Variants in CGNL1 observed in about 807,000 individuals in gnomAD.
CGNL1 encodes cingulin-like protein 1.
Under a neutral mutation model 141.2 loss-of-function variants are expected in CGNL1, and 132 were observed. The ratio of observed to expected loss-of-function variants is 0.93; its 90% confidence interval spans 0.81 to 1.08. The LOEUF (loss-of-function observed/expected upper bound fraction) is 1.08, where lower values mean the gene tolerates loss of function less well. CGNL1 is among the 50% of genes least tolerant of loss of function. The pLI is 0.00. For missense variants in CGNL1, 1,870 were observed against 1,588.6 expected, an observed-to-expected ratio of 1.18 and a Z score of -3.01; for synonymous variants, 690 against 622.1, an observed-to-expected ratio of 1.11 and a Z score of -1.63.
At chr15:57,444,752 A>C (rs1027226149) in intron 4 of CGNL1, among the ~76,000 whole-genome samples, 1 of 152,218 alleles carries the variant, frequency 6.6e-6, no homozygotes, top group Non-Finnish European at 1.5e-5. Flanking sequence ...AATTTAGTGT[A>C]GTGGGAACAC....
At chr15:57,396,315 C>T (rs1234868792) in intron 1 of CGNL1, among the ~76,000 whole-genome samples, 1 of 146,718 alleles carries the variant, frequency 6.8e-6, no homozygotes, top group East Asian at 2.0e-4. Context: ...TCCTCTGTTG[C>T]CCAGGCTGGA....
At position 57,438,647 on chromosome 15, in the gene CGNL1, T is replaced by A; in HGVS notation, c.648T>A (p.Ile216=). 1 of 1,614,116 alleles carries A rather than the reference T, an allele frequency of 6.2e-7. No individual in the cohort carries two copies. The highest frequency in any genetic ancestry group is 8.5e-7 in the Non-Finnish European group (1 of 1,180,034). ...CGGCCAAATCTGGTGTGACAGCTAT[T>A]CGTTTATGCAGCTCCGTGGTCATAG... ...EDPAKSGVTA[I]RLCSSVVIED... is the part of the protein sequence containing the mutation. Residue 216 remains isoleucine (I), a synonymous_variant, in exon 2 of 19, where the codon ATT becomes ATA. Transcript: ENST00000281282.
intron 1 of CGNL1, among the ~76,000 whole-genome samples, chr15:57,415,303 A>G (rs1323416365): frequency 6.6e-6 from 1 of 152,190 alleles, no homozygotes; most frequent in Non-Finnish European, 1.5e-5. Context: ...AGCTGGGGAG[A>G]TTATCCTGCA....
At chr15:57,378,108 A>G (rs2062384815) in intron 1 of CGNL1, among the ~76,000 whole-genome samples, 2 of 152,208 alleles carry the variant, frequency 1.3e-5, no homozygotes, top group South Asian at 2.1e-4. Context: ...CACCTGTCAC[A>G]TGGTCTTAAA....
At chr15:57,453,619 T>C (rs2063345291) in intron 6 of CGNL1, 64 bp from the exon 7 acceptor site, 1 of 1,594,598 alleles carries the variant, frequency 6.3e-7, no homozygotes, top group Admixed American at 1.7e-5. Context: ...AGATCAGAAA[T>C]CAGACTGGAT....
intron 1 of CGNL1, among the ~76,000 whole-genome samples, chr15:57,431,263 C>A (rs1223233850): frequency 6.6e-6 from 1 of 152,192 alleles, no homozygotes; most frequent in Non-Finnish European, 1.5e-5. Context: ...AGCAACTCTG[C>A]TTTCATTTCC....
intron 1 of CGNL1, among the ~76,000 whole-genome samples, chr15:57,378,788 C>G (rs2062394737): frequency 6.6e-6 from 1 of 152,188 alleles, no homozygotes; most frequent in Non-Finnish European, 1.5e-5. Context: ...AAAGAACATT[C>G]ATTTTGAAAA....
At chr15:57,440,774 G>A (rs1482287962) in intron 3 of CGNL1, among the ~76,000 whole-genome samples, 3 of 152,122 alleles carry the variant, frequency 2.0e-5, no homozygotes, top group Non-Finnish European at 4.4e-5. Flanking sequence ...TACTCTTCAG[G>A]TTTGAATGGA....
chr15:57,527,292 A>G (rs1362207496), intron 12 of CGNL1: 1 of 152,354 alleles, frequency 6.6e-6, no homozygotes, highest in East Asian at 1.9e-4. Context: ...CATTTCCTCA[A>G]GCTTTTCCAC....
chr15:57,407,737 A>C (rs2062739435), intron 1 of CGNL1, among the ~76,000 whole-genome samples: 1 of 148,720 alleles, frequency 6.7e-6, no homozygotes, highest in Non-Finnish European at 1.5e-5. Context: ...ATTAGAAAAA[A>C]TTATTCTCAA....
chr15:57,467,835 G>A (rs964556339), intron 8 of CGNL1, among the ~76,000 whole-genome samples: 6 of 151,864 alleles, frequency 4.0e-5, no homozygotes, highest in Admixed American at 6.6e-5. Flanking sequence ...GATTACAGGC[G>A]CCTGCCACCA....
intron 1 of CGNL1, among the ~76,000 whole-genome samples, chr15:57,394,367 C>G (rs2062579598): frequency 6.6e-6 from 1 of 152,024 alleles, no homozygotes; most frequent in African/African-American, 2.4e-5. Flanking sequence ...TCAGGTGATC[C>G]ACCTGCCTCA....
chr15:57,418,717 C>T (rs2062878398), intron 1 of CGNL1, among the ~76,000 whole-genome samples: 1 of 152,188 alleles, frequency 6.6e-6, no homozygotes, highest in Non-Finnish European at 1.5e-5. Context: ...GCTGTGTGTT[C>T]ACGGGCCCAG....
intron 1 of CGNL1, among the ~76,000 whole-genome samples, chr15:57,415,441 A>AG (rs1433208296): frequency 4.1e-4 from 62 of 152,348 alleles, no homozygotes; most frequent in Middle Eastern, 3.4e-3. Context: ...TTGAAGATGG[A>AG]GGAAGGGACC....
At chr15:57,474,916 A>G (rs1391312700) in intron 8 of CGNL1, among the ~76,000 whole-genome samples, 1 of 152,250 alleles carries the variant, frequency 6.6e-6, no homozygotes, top group Non-Finnish European at 1.5e-5. Flanking sequence ...AAGGCAGGTC[A>G]AGAAGAAGTC....
intron 14 of CGNL1, among the ~76,000 whole-genome samples, chr15:57,542,291 C>A (rs1242333588): frequency 6.6e-6 from 1 of 152,220 alleles, no homozygotes; most frequent in Admixed American, 6.5e-5. Context: ...TACCTCTTAG[C>A]CACGTTGGAT....
Position 57,548,974 on chromosome 15 carries a change from C to G in CGNL1, c.*1484C>G, listed in dbSNP as rs1255920733. On this transcript the variant is annotated 3_prime_UTR_variant, in exon 19 of 19. Transcript: ENST00000281282. ...TATGTCGAGGAAGGGAAGAAAGAAA[C>G]AGAAGTCAGGCAGAGGCGTGTCTGT... The G allele has an allele frequency of 6.6e-6, 1 of 152,368 alleles. No homozygotes were observed. Among genetic ancestry groups the G allele is most frequent in the Non-Finnish European group, 1.5e-5 (1 of 68,164 alleles). The allele number at this position is 152,368 out of a possible 1,614,324, so 9.4% of individuals were successfully genotyped here. A position where few individuals can be genotyped will look rare whatever the true frequency, so the allele number is the denominator to read the frequency against.
chr15:57,447,592 A>G (rs1320170812), intron 4 of CGNL1, among the ~76,000 whole-genome samples: 3 of 152,076 alleles, frequency 2.0e-5, no homozygotes, highest in African/African-American at 7.2e-5. Context: ...GACGTGCCTA[A>G]GAGTGGTTTT....
chr15:57,455,200 A>C (rs2063364726), intron 7 of CGNL1, among the ~76,000 whole-genome samples: 1 of 152,184 alleles, frequency 6.6e-6, no homozygotes, highest in Non-Finnish European at 1.5e-5. Flanking sequence ...TTTTGAAACA[A>C]AGATTGTGGG....
Sources: gnomAD v4.1 joint callset for allele counts (sites outside exome capture counted in the v4.1 genomes callset) on GRCh38, gnomAD v4.1.1 for gene constraint, MANE v1.5 for transcripts, NCBI Gene and HGNC (gene_info 2026-07-23, HGNC 2026-07-21) for gene names.